The following VTI1A variants were observed in gnomAD, a reference collection of about 807,000 sequenced individuals.
VTI1A encodes the protein vesicle transport through interaction with t-SNAREs homolog 1A.
Under a neutral mutation model 34.9 loss-of-function variants are expected in VTI1A, and 22 were observed. The observed-to-expected ratio is 0.63, with a 90% CI of 0.45 to 0.90. The LOEUF (loss-of-function observed/expected upper bound fraction) is 0.90. VTI1A is among the 40% of genes least tolerant of loss of function. The pLI, the probability that VTI1A is intolerant of heterozygous loss-of-function variation, is 0.00. For missense variants in VTI1A, 268 were observed against 275.6 expected (o/e 0.97, Z 0.20); for synonymous variants, 87 against 97.3 (o/e 0.89, Z 0.62).
At chr10:112,784,169 C>T (rs973673775) in intron 7 of VTI1A, among the ~76,000 whole-genome samples, 22 of 152,168 alleles carry the variant, frequency 1.4e-4, no homozygotes, top group African/African-American at 5.1e-4. Flanking sequence ...TACTTTATAA[C>T]GTTCAAATCT....
chr10:112,499,225 G>A (rs186446398), intron 3 of VTI1A, among the ~76,000 whole-genome samples: 30 of 152,172 alleles, frequency 2.0e-4, no homozygotes, highest in South Asian at 4.1e-4. Context: ...AAAGTCACAC[G>A]TGACCCCTGT....
At chr10:112,525,234 C>T (rs1254612310) in intron 3 of VTI1A, among the ~76,000 whole-genome samples, 1 of 152,154 alleles carries the variant, frequency 6.6e-6, no homozygotes, top group Non-Finnish European at 1.5e-5. Context: ...ACTCTGTCCT[C>T]CTCTCTGCAA....
intron 7 of VTI1A, among the ~76,000 whole-genome samples, chr10:112,703,379 C>A (rs554470181): frequency 2.6e-5 from 4 of 152,182 alleles, no homozygotes; most frequent in African/African-American, 9.6e-5. Flanking sequence ...ACCAGCCTGA[C>A]CAACATGGAG....
At chr10:112,546,432 T>C (rs1246628891) in intron 5 of VTI1A, among the ~76,000 whole-genome samples, 2 of 152,042 alleles carry the variant, frequency 1.3e-5, no homozygotes, top group African/African-American at 2.4e-5. Context: ...ATTTTACAAA[T>C]GTATACTCCC....
intron 7 of VTI1A, among the ~76,000 whole-genome samples, chr10:112,694,812 T>C (rs1564887212): frequency 6.6e-6 from 1 of 151,972 alleles, no homozygotes; most frequent in Non-Finnish European, 1.5e-5. Flanking sequence ...CTACTAAAAA[T>C]ACAAAAATTA....
At chr10:112,808,333 T>G (rs1014011060) in intron 7 of VTI1A, among the ~76,000 whole-genome samples, 4 of 150,456 alleles carry the variant, frequency 2.7e-5, no homozygotes, top group African/African-American at 9.8e-5. Flanking sequence ...TCAGTATGAT[T>G]TAAAGTAAGA....
the VTI1A span, among the ~76,000 whole-genome samples, chr10:112,841,154 C>T: frequency 6.6e-6 from 1 of 152,124 alleles, no homozygotes; most frequent in Admixed American, 6.5e-5. Context: ...CACCCCAGGG[C>T]TTTCCTAGGG....
chr10:112,613,090 A>G (rs188864348), intron 5 of VTI1A, among the ~76,000 whole-genome samples: 9 of 152,238 alleles, frequency 5.9e-5, no homozygotes, highest in Non-Finnish European at 1.2e-4. Context: ...ACTCTTTCTA[A>G]TAAAGCATAT....
intron 3 of VTI1A, among the ~76,000 whole-genome samples, chr10:112,477,528 C>G (rs1848314635): frequency 6.6e-6 from 1 of 152,234 alleles, no homozygotes; most frequent in Admixed American, 6.5e-5. Context: ...CAAGTTACCA[C>G]TGTCTTGGAC....
chr10:112,694,473 G>T (rs1848714347), intron 7 of VTI1A, among the ~76,000 whole-genome samples: 1 of 152,042 alleles, frequency 6.6e-6, no homozygotes, highest in African/African-American at 2.4e-5. Flanking sequence ...GAAGCTTGCT[G>T]ACTTACCTTT....
At chr10:112,739,331 T>A (rs1850609619) in intron 7 of VTI1A, among the ~76,000 whole-genome samples, 2 of 152,186 alleles carry the variant, frequency 1.3e-5, no homozygotes, top group South Asian at 4.1e-4. Context: ...AGTGAGGATG[T>A]CCATGGTCCC....
intron 7 of VTI1A, among the ~76,000 whole-genome samples, chr10:112,726,232 T>G (rs980054078): frequency 2.6e-5 from 4 of 152,188 alleles, no homozygotes; most frequent in African/African-American, 4.8e-5. Flanking sequence ...GCTGCTTCTC[T>G]CAATGCCTTC....
Position 112,736,735 on chromosome 10 carries a change from G to GA in VTI1A, c.560+67743dup, listed in dbSNP as rs534969795. 354 of 1,551,578 alleles carry GA rather than the reference G, an allele frequency of 2.3e-4. 2 individuals are homozygous for GA. The East Asian group carries it at 6.9e-3, about 30-fold the overall frequency. On this transcript the variant is annotated intron_variant, in intron 7 of 7. Coordinates refer to ENST00000393077, the MANE Select transcript of VTI1A (RefSeq NM_145206.4). ...TCACTGTTCACAGGGGTTGTTCTGTGAAAAAACAATGTAACCTGTCTCTGG... is the reference window on the plus strand; with the variant it reads ...TCACTGTTCACAGGGGTTGTTCTGTGAAAAAAACAATGTAACCTGTCTCTGG...
At chr10:112,629,407 G>A (rs996668569) in intron 5 of VTI1A, among the ~76,000 whole-genome samples, 3 of 152,176 alleles carry the variant, frequency 2.0e-5, no homozygotes, top group Non-Finnish European at 2.9e-5. Flanking sequence ...TTTCATCACC[G>A]CACAGCTGTT....
Position 112,461,522 on chromosome 10 carries a change from G to C in VTI1A, c.153+940G>C, listed in dbSNP as rs377552676. On this transcript the variant is annotated intron_variant, in intron 2 of 7. Coordinates refer to ENST00000393077, the MANE Select transcript of VTI1A (RefSeq NM_145206.4). ...GTCCCAAATCCTGTTAAGTGATAGA[G>C]TAAATATTTGTTCCTAGTTTGCTAA... is the stretch of plus-strand genomic sequence containing the variant. 1.1e-4 allele frequency among the ~76,000 whole-genome samples: 16 copies of C among 152,320 alleles called. 1 individual carries two copies. The East Asian group carries it at 1.9e-3, about 18-fold the overall frequency.
chr10:112,515,483 A>G (rs749758914), intron 3 of VTI1A, among the ~76,000 whole-genome samples: 1 of 152,042 alleles, frequency 6.6e-6, no homozygotes, highest in Non-Finnish European at 1.5e-5. Context: ...GATATAGTGT[A>G]ACTGTGGTGA....
intron 7 of VTI1A, among the ~76,000 whole-genome samples, chr10:112,724,618 T>C (rs1849938453): frequency 6.6e-6 from 1 of 151,912 alleles, no homozygotes; most frequent in Non-Finnish European, 1.5e-5. Flanking sequence ...GAGCAGTGAG[T>C]GCATTCCCTC....
downstream of VTI1A, among the ~76,000 whole-genome samples, chr10:112,820,530 G>A (rs1296066057): frequency 6.6e-6 from 1 of 152,262 alleles, no homozygotes; most frequent in Admixed American, 6.5e-5. Flanking sequence ...TCTCAGCCCA[G>A]ATGCCAGTCT....
intron 5 of VTI1A, among the ~76,000 whole-genome samples, chr10:112,594,070 C>G: frequency 6.6e-6 from 1 of 152,258 alleles, no homozygotes; most frequent in Non-Finnish European, 1.5e-5. Context: ...CCACCATGCC[C>G]GGCTAATTTT....
Sources: gnomAD v4.1 joint callset for allele counts (sites outside exome capture counted in the v4.1 genomes callset) on GRCh38, gnomAD v4.1.1 for gene constraint, MANE v1.5 for transcripts, NCBI Gene and HGNC (gene_info 2026-07-23, HGNC 2026-07-21) for gene names.